RAD18: variants seen among roughly 807,000 people sequenced by gnomAD.
RAD18 encodes the protein RAD18 E3 ubiquitin protein ligase, also known as E3 ubiquitin-protein ligase RAD18.
RAD18 carries 47 observed loss-of-function variants against 60.4 expected under a neutral mutation model. The ratio of observed to expected loss-of-function variants is 0.78; its 90% confidence interval spans 0.62 to 0.99. The LOEUF (loss-of-function observed/expected upper bound fraction) is 0.99, where lower values mean the gene tolerates loss of function less well. Among genes scored for constraint, RAD18 ranks in the 50% least tolerant of loss-of-function variants. The pLI, the probability that RAD18 is intolerant of heterozygous loss-of-function variation, is 0.00. For synonymous variants in RAD18, 225 were observed against 195.5 expected (o/e 1.15, Z -1.26); for missense variants, 640 against 593.3 (o/e 1.08, Z -0.82).
chr3:8,938,458 T>G (rs1559791122), intron 6 of RAD18, among the ~76,000 whole-genome samples: 1 of 152,216 alleles, frequency 6.6e-6, no homozygotes, highest in Non-Finnish European at 1.5e-5. Flanking sequence ...TTCAAAGTCC[T>G]TCAAAACAGA....
chr3:8,960,779 A>C (rs2095026773), intron 1 of RAD18, among the ~76,000 whole-genome samples: 1 of 152,178 alleles, frequency 6.6e-6, no homozygotes, highest in South Asian at 2.1e-4. Flanking sequence ...ATGCACAAAA[A>C]CCAAAGGAAA....
chr3:8,896,313 A>G (rs1939781995), intron 11 of RAD18, among the ~76,000 whole-genome samples: 1 of 152,202 alleles, frequency 6.6e-6, no homozygotes, highest in Admixed American at 6.5e-5. Flanking sequence ...AAGGTTCTGG[A>G]GCTACATGAA....
chr3:8,904,907 C>T (rs78492116), intron 9 of RAD18, among the ~76,000 whole-genome samples: 1 of 152,176 alleles, frequency 6.6e-6, no homozygotes, highest in South Asian at 2.1e-4. Flanking sequence ...GACTTATTAT[C>T]TTCTGAAGTA....
chr3:8,925,050 T>A (rs1467400304), intron 7 of RAD18, among the ~76,000 whole-genome samples: 1 of 151,404 alleles, frequency 6.6e-6, no homozygotes, highest in African/African-American at 2.4e-5. Context: ...AGGCAAGAAA[T>A]AACTAAGATC....
chr3:8,943,449 A>G (rs2124832166), intron 4 of RAD18, among the ~76,000 whole-genome samples: 2 of 152,326 alleles, frequency 1.3e-5, no homozygotes. Flanking sequence ...TTGGATGAGT[A>G]TAACAACACA....
At chr3:8,935,413 A>G (rs1940631534) in intron 7 of RAD18, among the ~76,000 whole-genome samples, 1 of 152,234 alleles carries the variant, frequency 6.6e-6, no homozygotes, top group East Asian at 1.9e-4. Context: ...CTACTTGCTA[A>G]GGTACTGTGT....
intron 7 of RAD18, among the ~76,000 whole-genome samples, chr3:8,914,734 A>T (rs574776): frequency 6.6e-6 from 1 of 151,958 alleles, no homozygotes; most frequent in African/African-American, 2.4e-5. Flanking sequence ...CCTTTCCAAA[A>T]TGAGTCATGG....
At chr3:8,963,227 C>G (rs1009705998) in intron 1 of RAD18, 108 bp downstream of exon 1, 2 of 1,262,080 alleles carry the variant, frequency 1.6e-6, no homozygotes, top group Non-Finnish European at 2.2e-6. Context: ...GGGCCCAGTG[C>G]GACGCTCGCG....
rs1939409558 is a variant in RAD18, at chr3:8,878,817, A to C, written c.*2540T>G. The C allele has an allele frequency of 6.6e-6, 1 of 152,342 alleles. No homozygotes were observed. Among genetic ancestry groups the C allele is most frequent in the Admixed American group, 6.5e-5 (1 of 15,308 alleles). The allele number at this position is 152,342 out of a possible 1,614,324, so 9.4% of individuals were successfully genotyped here. A position where few individuals can be genotyped will look rare whatever the true frequency, so the allele number is the denominator to read the frequency against. On this transcript the variant is annotated 3_prime_UTR_variant, in exon 13 of 13. Coordinates refer to ENST00000264926, the MANE Select transcript of RAD18 (RefSeq NM_020165.4). Reference sequence around the variant, plus strand: ...TAAGCATCACTGCCATTCTGAGCTGATGTTGATGGGAGATGTTATAACTTT... The same window carrying C: ...TAAGCATCACTGCCATTCTGAGCTGCTGTTGATGGGAGATGTTATAACTTT...
At chr3:8,949,866 CAGGCATGGAG>C (rs1462731690) in intron 2 of RAD18, among the ~76,000 whole-genome samples, 1 of 152,180 alleles carries the variant, frequency 6.6e-6, no homozygotes, top group East Asian at 1.9e-4. Context: ...CCTGTCATTG[CAGGCATGGAG>C]AGGATGTCCT....
chr3:8,945,258 G>A (rs1295950447), intron 4 of RAD18, among the ~76,000 whole-genome samples: 7 of 152,086 alleles, frequency 4.6e-5, no homozygotes, highest in African/African-American at 1.7e-4. Context: ...AAAGAAATGT[G>A]TAATTCTATT....
At chr3:8,920,504 T>C (rs1183830337) in intron 7 of RAD18, among the ~76,000 whole-genome samples, 15 of 152,188 alleles carry the variant, frequency 9.9e-5, no homozygotes, top group Admixed American at 9.8e-4. Flanking sequence ...AGCTACATAG[T>C]GTTGAAGTGT....
chr3:8,929,728 G>A (rs1038923878), intron 7 of RAD18, among the ~76,000 whole-genome samples: 2 of 151,016 alleles, frequency 1.3e-5, no homozygotes, highest in East Asian at 1.9e-4. Flanking sequence ...TGCAACCTCC[G>A]CCTCCTGGGT....
At chr3:8,926,503 T>A (rs1029244410) in intron 7 of RAD18, among the ~76,000 whole-genome samples, 2 of 152,176 alleles carry the variant, frequency 1.3e-5, no homozygotes, top group Admixed American at 6.5e-5. Context: ...TTATAGATTC[T>A]ATGCCATCCC....
chr3:8,920,616 C>A (rs574012853), intron 7 of RAD18, among the ~76,000 whole-genome samples: 1 of 152,262 alleles, frequency 6.6e-6, no homozygotes, highest in Admixed American at 6.5e-5. Flanking sequence ...GAGGGGTACA[C>A]AGATGTCAAA....
intron 7 of RAD18, among the ~76,000 whole-genome samples, chr3:8,922,594 A>T (rs1940344091): frequency 6.6e-6 from 1 of 152,204 alleles, no homozygotes; most frequent in Admixed American, 6.5e-5. Flanking sequence ...GCAGCTTTAG[A>T]TCTGAGAATG....
intron 8 of RAD18, 51 bp downstream of exon 8, chr3:8,913,593 A>C: frequency 7.8e-7 from 1 of 1,283,498 alleles, no homozygotes; most frequent in Non-Finnish European, 1.1e-6. Flanking sequence ...TTTGTAGGGT[A>C]TTAAACTTTC....
intron 2 of RAD18, among the ~76,000 whole-genome samples, chr3:8,957,700 C>A (rs1357796447): frequency 6.6e-6 from 1 of 151,996 alleles, no homozygotes. Flanking sequence ...TGGTGAAAAA[C>A]TACTAAGTTT....
chr3:8,900,873 A>C (rs948308599), intron 10 of RAD18, among the ~76,000 whole-genome samples: 1 of 152,222 alleles, frequency 6.6e-6, no homozygotes, highest in Admixed American at 6.5e-5. Flanking sequence ...GGAAAGAGTA[A>C]TATTGATGTT....
Sources: allele counts gnomAD v4.1 joint callset (sites outside exome capture counted in the v4.1 genomes callset), GRCh38; gene constraint gnomAD v4.1.1; transcripts MANE v1.5; gene names NCBI Gene and HGNC (gene_info 2026-07-23, HGNC 2026-07-21).